Variants in RTL4 observed in about 807,000 individuals in gnomAD.
The protein encoded by RTL4 is retrotransposon Gag like 4, also known as retrotransposon Gag-like protein 4.
RTL4 carries 4 observed loss-of-function variants against 5.3 expected under a neutral mutation model. The observed-to-expected ratio is 0.75, with a 90% CI of 0.37 to 1.72. RTL4 has a LOEUF of 1.72. Among genes scored for constraint, RTL4 ranks in the 40% most tolerant of loss-of-function variants. The pLI is 0.04. For missense variants in RTL4, 260 were observed against 227.1 expected (o/e 1.14, Z -0.93); for synonymous variants, 98 against 87.3 (o/e 1.12, Z -0.68).
chrX:112,353,395 G>A, the RTL4 span, among the ~76,000 whole-genome samples: 3 of 111,313 alleles, frequency 2.7e-5, no homozygotes, highest in African/African-American at 9.8e-5. Flanking sequence ...TATGTTTATT[G>A]TGGCACTATT....
chrX:112,176,989 A>G, the RTL4 span, among the ~76,000 whole-genome samples: 160 of 110,711 alleles, frequency 1.4e-3, 1 homozygote, highest in African/African-American at 5.0e-3. Flanking sequence ...TCCATGTTGC[A>G]GCAAGTGAGA....
the RTL4 span, among the ~76,000 whole-genome samples, chrX:112,261,453 G>A: frequency 4.5e-5 from 5 of 111,397 alleles, no homozygotes; most frequent in East Asian, 5.6e-4. Context: ...TTGCTTCAAA[G>A]AGAATAAAAT....
chrX:112,185,949 G>T, the RTL4 span, among the ~76,000 whole-genome samples: 1 of 110,793 alleles, frequency 9.0e-6, no homozygotes, highest in Admixed American at 9.7e-5. Context: ...TGGGCCTAAG[G>T]TCACAAAGGG....
the RTL4 span, among the ~76,000 whole-genome samples, chrX:112,152,463 A>G: frequency 1.8e-5 from 2 of 111,763 alleles, no homozygotes; most frequent in African/African-American, 6.5e-5. Context: ...ATGTTCACCA[A>G]TGTATCCACA....
the RTL4 span, among the ~76,000 whole-genome samples, chrX:112,344,434 A>G: frequency 8.9e-6 from 1 of 112,137 alleles, no homozygotes; most frequent in Non-Finnish European, 1.9e-5. Context: ...CAGGAAACTT[A>G]CAATCATGGC....
the RTL4 span, among the ~76,000 whole-genome samples, chrX:112,128,661 A>C: frequency 1.2e-5 from 1 of 82,464 alleles, no homozygotes; most frequent in Non-Finnish European, 2.1e-5. Flanking sequence ...CTGTCTCACA[A>C]AAAAAAAAAA....
At chrX:112,268,443 G>A in the RTL4 span, among the ~76,000 whole-genome samples, 7 of 111,306 alleles carry the variant, frequency 6.3e-5, no homozygotes, top group African/African-American at 1.6e-4. Context: ...CTCTCTTAGG[G>A]CAGATTGAAC....
the RTL4 span, among the ~76,000 whole-genome samples, chrX:112,159,128 T>A: frequency 8.9e-6 from 1 of 112,677 alleles, no homozygotes; most frequent in African/African-American, 3.2e-5. Context: ...TTTCTATGAA[T>A]TTCCTTTTTG....
chrX:112,379,156 T>C, the RTL4 span, among the ~76,000 whole-genome samples: 32 of 112,660 alleles, frequency 2.8e-4, 1 homozygote, highest in South Asian at 0.011. Flanking sequence ...TTATCATATC[T>C]ACAATACCCA....
At chrX:112,283,030 C>T in the RTL4 span, among the ~76,000 whole-genome samples, 1 of 111,422 alleles carries the variant, frequency 9.0e-6, no homozygotes, top group Non-Finnish European at 1.9e-5. Flanking sequence ...GTACTTGGTT[C>T]TGGCTTGAAG....
chrX:112,412,401 A>G, the RTL4 span, among the ~76,000 whole-genome samples: 1 of 111,813 alleles, frequency 8.9e-6, no homozygotes, highest in African/African-American at 3.2e-5. Context: ...AGCCAAAGCT[A>G]TCATGAGCAA....
the RTL4 span, among the ~76,000 whole-genome samples, chrX:112,396,957 G>A: frequency 5.4e-5 from 6 of 111,420 alleles, no homozygotes; most frequent in East Asian, 1.7e-3. Flanking sequence ...TGGAATTTGG[G>A]GAGGAATATC....
chrX:112,343,082 C>T, the RTL4 span, among the ~76,000 whole-genome samples: 2 of 111,553 alleles, frequency 1.8e-5, no homozygotes, highest in South Asian at 3.8e-4. Context: ...TGCACTCCAG[C>T]GTGAGAAACA....
the RTL4 span, among the ~76,000 whole-genome samples, chrX:112,336,214 G>A: frequency 8.1e-5 from 9 of 111,759 alleles, no homozygotes; most frequent in Non-Finnish European, 1.7e-4. Flanking sequence ...ATGTAAGTTC[G>A]TATAGAAAGT....
chrX:112,085,320 G>T, the RTL4 span, among the ~76,000 whole-genome samples: 1 of 112,310 alleles, frequency 8.9e-6, no homozygotes, highest in Non-Finnish European at 1.9e-5. Context: ...TACATGGCCT[G>T]GCCTATTCAA....
chrX:112,270,073 C>T, the RTL4 span, among the ~76,000 whole-genome samples: 1 of 112,221 alleles, frequency 8.9e-6, no homozygotes, highest in Admixed American at 9.4e-5. Flanking sequence ...CACTCTTTTC[C>T]TCTTCTGCTC....
the RTL4 span, among the ~76,000 whole-genome samples, chrX:112,225,200 T>C: frequency 2.7e-5 from 3 of 111,729 alleles, no homozygotes; most frequent in South Asian, 1.1e-3. Flanking sequence ...TTGACTTTCT[T>C]CTGCATTCCA....
At chrX:112,330,261 C>G in the RTL4 span, among the ~76,000 whole-genome samples, 8 of 108,069 alleles carry the variant, frequency 7.4e-5, no homozygotes, top group African/African-American at 2.4e-4. Context: ...CTAGAAAACC[C>G]CATTGTCTCA....
chrX:112,125,038 C>T, the RTL4 span, among the ~76,000 whole-genome samples: 158 of 108,393 alleles, frequency 1.5e-3, 1 homozygote, highest in African/African-American at 5.0e-3. Flanking sequence ...GTAGCAGGGA[C>T]TACAGGTGCA....
Sources: gnomAD v4.1 joint callset for allele counts (sites outside exome capture counted in the v4.1 genomes callset) on GRCh38, gnomAD v4.1.1 for gene constraint, MANE v1.5 for transcripts, NCBI Gene and HGNC (gene_info 2026-07-23, HGNC 2026-07-21) for gene names.